TBCEL: variants seen among roughly 807,000 people sequenced by gnomAD.
TBCEL encodes the protein tubulin folding cofactor E like, also known as tubulin-specific chaperone cofactor E-like protein.
In TBCEL, 15 loss-of-function variants were observed where a neutral mutation model predicts 44.2. That is an observed-to-expected ratio of 0.34 (90% CI 0.23 to 0.52). The LOEUF is 0.52. Ranked by LOEUF, TBCEL falls within the 20% of genes least tolerant of loss-of-function variation. The pLI, the probability that TBCEL is intolerant of heterozygous loss-of-function variation, is 0.95. For missense variants in TBCEL, 319 were observed against 506.3 expected, an observed-to-expected ratio of 0.63 and a Z score of 3.55; for synonymous variants, 171 against 185.4, an observed-to-expected ratio of 0.92 and a Z score of 0.63.
chr11:121,060,329 TTCCAGTAGTTC>T (rs1315481677), intron 8 of TBCEL, among the ~76,000 whole-genome samples: 2 of 151,978 alleles, frequency 1.3e-5, no homozygotes, highest in Non-Finnish European at 1.5e-5. Context: ...TATTTGACAA[TTCCAGTAGTTC>T]CTGCTGCATA....
chr11:121,052,033 C>T (rs553232391), intron 4 of TBCEL, among the ~76,000 whole-genome samples: 1 of 151,948 alleles, frequency 6.6e-6, no homozygotes, highest in East Asian at 1.9e-4. Flanking sequence ...AACCCTGAAG[C>T]TTGTCCCACC....
intron 4 of TBCEL, among the ~76,000 whole-genome samples, chr11:121,048,663 G>T: frequency 6.6e-6 from 1 of 151,778 alleles, no homozygotes; most frequent in Non-Finnish European, 1.5e-5. Context: ...TTATGACACT[G>T]TCCTGCATAA....
chr11:121,061,566 G>A, intron 8 of TBCEL, among the ~76,000 whole-genome samples: 1 of 151,940 alleles, frequency 6.6e-6, no homozygotes, highest in Admixed American at 6.6e-5. Context: ...AGGCTATATG[G>A]TACAGCCTAT....
chr11:121,066,712 C>T (rs565242744), intron 8 of TBCEL, among the ~76,000 whole-genome samples: 3 of 152,214 alleles, frequency 2.0e-5, no homozygotes, highest in South Asian at 2.1e-4. Context: ...TATGAAATAA[C>T]GATATATAAA....
chr11:121,068,372 C>T (rs554543296), intron 8 of TBCEL, among the ~76,000 whole-genome samples: 31 of 152,062 alleles, frequency 2.0e-4, no homozygotes, highest in African/African-American at 7.2e-4. Flanking sequence ...TCCCACACCC[C>T]ACATCTGGTC....
intron 8 of TBCEL, among the ~76,000 whole-genome samples, chr11:121,082,211 C>G (rs1238703074): frequency 1.3e-5 from 2 of 152,232 alleles, no homozygotes; most frequent in African/African-American, 4.8e-5. Context: ...CAGTGTGACT[C>G]AGCTGGGTTC....
chr11:121,033,882 T>C (rs1006638877), intron 1 of TBCEL, among the ~76,000 whole-genome samples: 1 of 151,580 alleles, frequency 6.6e-6, no homozygotes, highest in Non-Finnish European at 1.5e-5. Context: ...AGTTACCCCA[T>C]GTAAGTGGAA....
At chr11:121,078,010 G>A (rs779266925) in intron 8 of TBCEL, among the ~76,000 whole-genome samples, 1 of 151,722 alleles carries the variant, frequency 6.6e-6, no homozygotes, top group Non-Finnish European at 1.5e-5. Context: ...TTTAAAGTCT[G>A]TTGTGGTATA....
At chr11:121,044,013 T>A (rs1945382653) in intron 2 of TBCEL, among the ~76,000 whole-genome samples, 1 of 152,120 alleles carries the variant, frequency 6.6e-6, no homozygotes, top group Admixed American at 6.6e-5. Flanking sequence ...TAGTTAATGG[T>A]ATCACCAGTC....
chr11:121,059,461 C>T (rs1350444460), intron 7 of TBCEL, among the ~76,000 whole-genome samples: 1 of 151,754 alleles, frequency 6.6e-6, no homozygotes, highest in Non-Finnish European at 1.5e-5. Flanking sequence ...TATGTCTTGT[C>T]TGAATTGAAA....
At chr11:121,049,025 A>G (rs1274509434) in intron 4 of TBCEL, among the ~76,000 whole-genome samples, 1 of 151,964 alleles carries the variant, frequency 6.6e-6, no homozygotes, top group East Asian at 1.9e-4. Flanking sequence ...ACAGTCTTGT[A>G]TAATGACTTG....
chr11:121,087,058 G>A lies in TBCEL; in HGVS notation c.1237G>A (p.Asp413Asn), dbSNP rs1399975453. The change falls in exon 9 of 9, where the codon GAT becomes AAT. Residue 413 changes from aspartate to asparagine, a missense_variant. Transcript: ENST00000683345. ...GGCATTGCATTCCTTTGGCATTAGG[G>A]ATGGAGATAAAATTTACGTGGAATC... ...SRALHSFGIR[D>N]GDKIYVESKT... 1 of 1,613,874 alleles carries A rather than the reference G, an allele frequency of 6.2e-7. No homozygotes were observed. The highest frequency in any genetic ancestry group is 8.5e-7 in the Non-Finnish European group (1 of 1,179,928).
intron 6 of TBCEL, among the ~76,000 whole-genome samples, chr11:121,057,093 G>A (rs1945635785): frequency 7.9e-5 from 12 of 151,784 alleles, no homozygotes; most frequent in Admixed American, 7.9e-4. Context: ...TTTTGCATAA[G>A]GAAGCTGTTT....
At chr11:121,024,643 G>A (rs3824976) in intron 1 of TBCEL, among the ~76,000 whole-genome samples, 32,611 of 152,018 alleles carry the variant, frequency 0.21, 3,573 homozygotes, top group East Asian at 0.33. Context: ...CCAGCGTGGG[G>A]GATGGGTAGA....
intron 8 of TBCEL, among the ~76,000 whole-genome samples, chr11:121,069,964 G>C (rs1381253135): frequency 6.6e-6 from 1 of 152,124 alleles, no homozygotes; most frequent in Non-Finnish European, 1.5e-5. Flanking sequence ...GTTAAGTGGA[G>C]AGATTTTGGT....
At position 121,058,335 on chromosome 11, in the gene TBCEL, C is replaced by G. The variant is rs1051846941; in HGVS notation, c.713-10C>G. On this transcript the variant is annotated splice_polypyrimidine_tract_variant and intron_variant, in intron 6 of 8. Transcript: ENST00000683345. ...TCTGGATTTACTTAAACAATATGTT[C>G]TCAAATTAGGTTTGCAGTCCTGGGA... 2.5e-6 allele frequency: 4 copies of G among 1,609,400 alleles called. No individual in the cohort carries two copies. The highest frequency in any genetic ancestry group is 3.4e-6 in the Non-Finnish European group (4 of 1,177,088).
intron 1 of TBCEL, among the ~76,000 whole-genome samples, chr11:121,033,342 A>G (rs1258022070): frequency 6.6e-6 from 1 of 152,182 alleles, no homozygotes; most frequent in Non-Finnish European, 1.5e-5. Flanking sequence ...TGCCCTTTGG[A>G]GGTTGAAATT....
intron 8 of TBCEL, among the ~76,000 whole-genome samples, chr11:121,068,886 CAAA>C (rs575081373): frequency 2.3e-5 from 2 of 87,992 alleles, no homozygotes; most frequent in Non-Finnish European, 4.8e-5. Context: ...GGCTCCGTCT[CAAA>C]AAAAAAAAAA....
At chr11:121,054,966 T>A (rs1049131177) in intron 5 of TBCEL, 86 bp from the exon 6 acceptor site, 1 of 1,337,846 alleles carries the variant, frequency 7.5e-7, no homozygotes, top group Non-Finnish European at 9.8e-7. Flanking sequence ...AGTAGGCACT[T>A]ACTTATTTAT....
Sources: allele counts gnomAD v4.1 joint callset (sites outside exome capture counted in the v4.1 genomes callset), GRCh38; gene constraint gnomAD v4.1.1; transcripts MANE v1.5; gene names NCBI Gene and HGNC (gene_info 2026-07-23, HGNC 2026-07-21).